NAALADL2: variants seen among roughly 807,000 people sequenced by gnomAD.
NAALADL2 encodes N-acetylated alpha-linked acidic dipeptidase like 2.
A neutral mutation model predicts 87.2 loss-of-function variants in NAALADL2; 76 were observed. That is an observed-to-expected ratio of 0.87 (90% CI 0.72 to 1.05). The LOEUF (loss-of-function observed/expected upper bound fraction) is 1.05. NAALADL2 is among the 50% of genes least tolerant of loss of function. The probability of loss-of-function intolerance (pLI) is 0.00; values close to 1 mark genes in which losing one functional copy is unlikely to be tolerated. For missense variants in NAALADL2, 1,089 were observed against 945.8 expected, an observed-to-expected ratio of 1.15 and a Z score of -1.99; for synonymous variants, 354 against 331.0, an observed-to-expected ratio of 1.07 and a Z score of -0.75.
At chr3:174,995,859 G>A (rs966032664) in intron 1 of NAALADL2, among the ~76,000 whole-genome samples, 1 of 151,528 alleles carries the variant, frequency 6.6e-6, no homozygotes, top group African/African-American at 2.4e-5. Context: ...CCCTCCCTCT[G>A]GATTGAGTAA....
intron 1 of NAALADL2, among the ~76,000 whole-genome samples, chr3:174,918,813 G>A (rs777642810): frequency 3.3e-5 from 5 of 152,156 alleles, no homozygotes; most frequent in Non-Finnish European, 7.3e-5. Flanking sequence ...GAGTAACCAT[G>A]AGTTGCATTG....
chr3:175,353,108 ATGTG>A (rs113022824), intron 5 of NAALADL2, among the ~76,000 whole-genome samples: 1,635 of 144,922 alleles, frequency 0.011, 15 homozygotes, highest in African/African-American at 0.018. Context: ...ATTTAATAAA[ATGTG>A]TGTGTGTGTG....
At chr3:174,732,068 T>C (rs1432325208) in intron 2 of NAALADL2, among the ~76,000 whole-genome samples, 1 of 152,160 alleles carries the variant, frequency 6.6e-6, no homozygotes, top group African/African-American at 2.4e-5. Flanking sequence ...TGATAGACCA[T>C]AGTTTGCCTA....
chr3:175,172,933 G>A (rs1015589088), intron 2 of NAALADL2, among the ~76,000 whole-genome samples: 5 of 152,030 alleles, frequency 3.3e-5, no homozygotes, highest in African/African-American at 9.7e-5. Flanking sequence ...TCAAGCAAAG[G>A]AATAAAAGTA....
intron 3 of NAALADL2, among the ~76,000 whole-genome samples, chr3:174,843,704 C>G (rs1165355719): frequency 6.6e-6 from 1 of 151,872 alleles, no homozygotes; most frequent in Non-Finnish European, 1.5e-5. Flanking sequence ...ACACTTTTGT[C>G]TTTGGTAATG....
intron 5 of NAALADL2, among the ~76,000 whole-genome samples, chr3:175,347,607 T>C (rs528262405): frequency 6.6e-6 from 1 of 152,292 alleles, no homozygotes; most frequent in African/African-American, 2.4e-5. Context: ...ATGACAGTGA[T>C]GATGATATGA....
chr3:174,620,435 GTTTTGTTT>G (rs1368116985), intron 2 of NAALADL2, among the ~76,000 whole-genome samples: 3 of 66,602 alleles, frequency 4.5e-5, no homozygotes, highest in Admixed American at 1.3e-4. Flanking sequence ...TGTGTTTTTT[GTTTTGTTT>G]TGTTTTTTTC....
chr3:175,160,918 C>A (rs185791094), intron 2 of NAALADL2, among the ~76,000 whole-genome samples: 1 of 151,552 alleles, frequency 6.6e-6, no homozygotes, highest in African/African-American at 2.4e-5. Context: ...AGCTCTGTAT[C>A]AGTATATTTG....
chr3:175,037,788 G>A (rs1213788855), intron 1 of NAALADL2, among the ~76,000 whole-genome samples: 1 of 152,082 alleles, frequency 6.6e-6, no homozygotes, highest in Non-Finnish European at 1.5e-5. Flanking sequence ...GGAGTGTTAT[G>A]TTTGTGTGAG....
intron 3 of NAALADL2, among the ~76,000 whole-genome samples, chr3:174,746,250 A>G (rs977611219): frequency 6.6e-5 from 10 of 152,194 alleles, no homozygotes; most frequent in Admixed American, 2.0e-4. Flanking sequence ...TACAAAATCA[A>G]TGTACCAAAA....
rs1278192087 is a variant in NAALADL2 at position 175,698,504 on chromosome 3, A to ATAT, written c.1897-38802_1897-38801insTAT. 1.5e-4 allele frequency among the ~76,000 whole-genome samples: 13 copies of ATAT among 87,018 alleles called. 3 individuals are homozygous for ATAT. The highest frequency in any genetic ancestry group is 6.2e-4 in the African/African-American group (10 of 16,174). The allele number at this position is 87,018 out of a possible 152,430, so 57.1% of individuals were successfully genotyped here. On this transcript the variant is annotated intron_variant, in intron 11 of 13. Transcript: ENST00000454872. ...ATATTTATATATATATATATATATA[A>ATAT]AATCTCCAAGCAAATTCCTATGTAC...
chr3:175,127,946 G>A (rs1262628454), intron 2 of NAALADL2, among the ~76,000 whole-genome samples: 1 of 152,124 alleles, frequency 6.6e-6, no homozygotes, highest in Non-Finnish European at 1.5e-5. Context: ...GTGATATAGT[G>A]TAGTTATAGT....
intron 5 of NAALADL2, among the ~76,000 whole-genome samples, chr3:175,398,421 C>T (rs943718900): frequency 6.7e-6 from 1 of 149,822 alleles, no homozygotes; most frequent in East Asian, 2.0e-4. Flanking sequence ...TAATTCCCCT[C>T]CTCTGCTAAT....
At chr3:175,394,266 A>G (rs1455449582) in intron 5 of NAALADL2, among the ~76,000 whole-genome samples, 1 of 152,198 alleles carries the variant, frequency 6.6e-6, no homozygotes, top group Non-Finnish European at 1.5e-5. Context: ...GCACAAATAT[A>G]CAGTTAGATA....
intron 1 of NAALADL2, among the ~76,000 whole-genome samples, chr3:174,866,217 G>T (rs942810566): frequency 3.3e-5 from 5 of 151,956 alleles, no homozygotes; most frequent in Non-Finnish European, 7.4e-5. Context: ...AACTAGAAGA[G>T]AGCATCTTTA....
chr3:174,652,463 C>T (rs905834016), intron 2 of NAALADL2, among the ~76,000 whole-genome samples: 1 of 152,120 alleles, frequency 6.6e-6, no homozygotes, highest in African/African-American at 2.4e-5. Flanking sequence ...GGGGAGGCCT[C>T]ACAATCATGG....
intron 2 of NAALADL2, among the ~76,000 whole-genome samples, chr3:174,562,036 G>T (rs1713682528): frequency 6.6e-6 from 1 of 151,934 alleles, no homozygotes; most frequent in Non-Finnish European, 1.5e-5. Flanking sequence ...AATATTAAAA[G>T]AACCTACTAA....
intron 9 of NAALADL2, among the ~76,000 whole-genome samples, chr3:175,492,447 A>G (rs949327733): frequency 6.6e-6 from 1 of 152,186 alleles, no homozygotes; most frequent in South Asian, 2.1e-4. Flanking sequence ...GGAGTATAAA[A>G]TGCTAATCAG....
intron 12 of NAALADL2, among the ~76,000 whole-genome samples, chr3:175,747,560 G>T (rs1221757937): frequency 6.6e-6 from 1 of 151,910 alleles, no homozygotes; most frequent in Non-Finnish European, 1.5e-5. Context: ...TGGTTTCTTT[G>T]TGTAAAAATA....
Sources: gnomAD v4.1 joint callset for allele counts (sites outside exome capture counted in the v4.1 genomes callset) on GRCh38, gnomAD v4.1.1 for gene constraint, MANE v1.5 for transcripts, NCBI Gene and HGNC (gene_info 2026-07-23, HGNC 2026-07-21) for gene names.